Variants in ATP8B4 observed in about 807,000 individuals in gnomAD.
The protein encoded by ATP8B4 is ATPase phospholipid transporting 8B4 (putative), also known as probable phospholipid-transporting ATPase IM.
Under a neutral mutation model 145.6 loss-of-function variants are expected in ATP8B4, and 133 were observed. That is an observed-to-expected ratio of 0.91 (90% confidence interval 0.79 to 1.05). ATP8B4 has a LOEUF of 1.05. ATP8B4 is among the 50% of genes least tolerant of loss of function. ATP8B4 has a pLI of 0.00. For synonymous variants in ATP8B4, 507 were observed against 492.9 expected, an observed-to-expected ratio of 1.03 and a Z score of -0.38; for missense variants, 1,458 against 1,425.2, an observed-to-expected ratio of 1.02 and a Z score of -0.37.
chr15:50,181,025 T>C (rs568838991), intron 1 of ATP8B4, among the ~76,000 whole-genome samples: 1 of 152,266 alleles, frequency 6.6e-6, no homozygotes, highest in African/African-American at 2.4e-5. Flanking sequence ...ACAGATACCA[T>C]TTCCAAAACC....
At chr15:49,999,964 G>A (rs2047755424) in intron 8 of ATP8B4, among the ~76,000 whole-genome samples, 1 of 152,052 alleles carries the variant, frequency 6.6e-6, no homozygotes, top group Non-Finnish European at 1.5e-5. Context: ...TGACCTTTGG[G>A]ATTGGCTATT....
At chr15:49,994,559 C>A (rs2047274768) in intron 9 of ATP8B4, among the ~76,000 whole-genome samples, 1 of 151,702 alleles carries the variant, frequency 6.6e-6, no homozygotes, top group African/African-American at 2.4e-5. Context: ...TAAAGATGGA[C>A]AATAAATAAT....
chr15:50,057,481 T>G (rs1399560010), intron 3 of ATP8B4, among the ~76,000 whole-genome samples: 1 of 152,216 alleles, frequency 6.6e-6, no homozygotes, highest in Non-Finnish European at 1.5e-5. Flanking sequence ...CTGGCCCTCA[T>G]CCGACATCCT....
At chr15:50,176,124 A>G (rs1255037364) in intron 1 of ATP8B4, among the ~76,000 whole-genome samples, 1 of 151,248 alleles carries the variant, frequency 6.6e-6, no homozygotes, top group Non-Finnish European at 1.5e-5. Flanking sequence ...ACTGCACAGC[A>G]TATATATATA....
intron 20 of ATP8B4, among the ~76,000 whole-genome samples, chr15:49,908,501 A>G (rs2038870755): frequency 6.6e-6 from 1 of 151,254 alleles, no homozygotes; most frequent in Non-Finnish European, 1.5e-5. Context: ...GTGGTCCACA[A>G]TCTCACCACA....
chr15:49,975,482 C>T (rs1361710051), intron 12 of ATP8B4, among the ~76,000 whole-genome samples: 8 of 152,080 alleles, frequency 5.3e-5, no homozygotes, highest in Admixed American at 6.6e-5. Context: ...AGTTGTTATA[C>T]TGTATTGTTT....
At chr15:50,071,230 A>G (rs1203559591) in intron 3 of ATP8B4, among the ~76,000 whole-genome samples, 1 of 152,192 alleles carries the variant, frequency 6.6e-6, no homozygotes, top group African/African-American at 2.4e-5. Context: ...GCATTTTATG[A>G]CTTTTAAAAG....
At chr15:49,958,448 AAAAT>A (rs1356006726) in intron 14 of ATP8B4, among the ~76,000 whole-genome samples, 2 of 151,704 alleles carry the variant, frequency 1.3e-5, no homozygotes, top group Non-Finnish European at 3.0e-5. Flanking sequence ...ATGCAGGAAA[AAAAT>A]AAGTAAATCC....
chr15:50,013,068 C>A (rs956143130), intron 6 of ATP8B4, among the ~76,000 whole-genome samples: 1 of 152,100 alleles, frequency 6.6e-6, no homozygotes, highest in African/African-American at 2.4e-5. Context: ...TCTTGTCCTA[C>A]CTACAACCAC....
In ATP8B4 at chr15:50,047,416, T is replaced by C. The variant is rs1190474954; in HGVS notation, c.136A>G (p.Ile46Val). ...SKYNILTFLP[I>V]NLFEQFQRVA... ...CTTTGGAACTGTTCAAATAAATTAA[T>C]TGGCAAGAAGGTGAGAATATTATAT... The change falls in exon 4 of 28, where the codon ATT becomes GTT. Residue 46 changes from isoleucine (I) to valine (V), a missense_variant. Coordinates refer to ENST00000284509, the MANE Select transcript of ATP8B4 (RefSeq NM_024837.4). The C allele has an allele frequency of 7.5e-6, 12 of 1,600,680 alleles. No homozygotes were observed. The highest frequency in any genetic ancestry group is 1.0e-5 in the Non-Finnish European group (12 of 1,168,022).
At chr15:49,945,846 A>G (rs534156388) in intron 14 of ATP8B4, among the ~76,000 whole-genome samples, 6 of 152,346 alleles carry the variant, frequency 3.9e-5, no homozygotes, top group Non-Finnish European at 2.9e-5. Context: ...GCAGAAAAAT[A>G]CCTTATCATA....
intron 8 of ATP8B4, among the ~76,000 whole-genome samples, chr15:50,001,582 A>G (rs1010156651): frequency 1.3e-5 from 2 of 152,232 alleles, no homozygotes; most frequent in African/African-American, 4.8e-5. Context: ...AATTCCATCT[A>G]AAGAACACAA....
chr15:50,106,145 T>C (rs775526549), intron 2 of ATP8B4, among the ~76,000 whole-genome samples: 2 of 152,274 alleles, frequency 1.3e-5, no homozygotes, highest in Admixed American at 6.5e-5. Context: ...TAACCACCTA[T>C]CAGGGACGAT....
intron 13 of ATP8B4, among the ~76,000 whole-genome samples, chr15:49,969,232 A>G (rs2044849633): frequency 6.6e-6 from 1 of 152,196 alleles, no homozygotes; most frequent in African/African-American, 2.4e-5. Flanking sequence ...ATAAAGAGCA[A>G]ACAAATTCAA....
chr15:49,866,585 T>G lies in ATP8B4; in HGVS notation c.3028-101A>C. 6 of 1,433,844 alleles carry G rather than the reference T, an allele frequency of 4.2e-6. 1 individual carries two copies. In the South Asian group the frequency reaches 7.7e-5, roughly 18 times the overall value. The allele number at this position is 1,433,844 out of a possible 1,614,324, so 88.8% of individuals were successfully genotyped here. On this transcript the variant is annotated intron_variant, in intron 25 of 27. Transcript: ENST00000284509. ...GAGAACTGCCCTGTGGCAGGAAGTT[T>G]GCACCTGCCTAGTTGCCAAGCCAAC... is the stretch of plus-strand genomic sequence containing the variant.
intron 1 of ATP8B4, among the ~76,000 whole-genome samples, chr15:50,174,577 C>G (rs1041342835): frequency 2.7e-5 from 4 of 145,976 alleles, no homozygotes; most frequent in African/African-American, 1.0e-4. Flanking sequence ...AACTTAGGAA[C>G]ATACCTAACA....
chr15:50,173,711 A>T (rs1229663830), intron 1 of ATP8B4, among the ~76,000 whole-genome samples: 2 of 151,988 alleles, frequency 1.3e-5, no homozygotes, highest in East Asian at 1.9e-4. Flanking sequence ...TACTAAAAAA[A>T]TTTAAAAAAA....
rs1469218880 is a variant in ATP8B4, at chr15:49,934,027, C to T, written c.1443G>A (p.Glu481=). Residue 481 remains glutamate (E), a synonymous_variant, in exon 15 of 28, where the codon GAG becomes GAA. Coordinates refer to ENST00000284509, the MANE Select transcript of ATP8B4 (RefSeq NM_024837.4). The stretch of plus-strand genomic sequence containing the variant: ...TAACTTTTCACTTACCTGCGCTATT[C>T]TCTTCTGACATTACAGTGTGGCAGA... ...LALCHTVMSE[E]NSAGELIYQV... 6.2e-7 allele frequency: 1 copy of T among 1,602,890 alleles called. No homozygotes were observed. The highest frequency in any genetic ancestry group is 8.5e-7 in the Non-Finnish European group (1 of 1,175,734).
intron 1 of ATP8B4, among the ~76,000 whole-genome samples, chr15:50,172,378 G>C (rs574042719): frequency 3.3e-5 from 5 of 152,264 alleles, no homozygotes; most frequent in Non-Finnish European, 7.3e-5. Flanking sequence ...TCCTGACCGC[G>C]AGTGATCTGC....
Sources: allele counts gnomAD v4.1 joint callset (sites outside exome capture counted in the v4.1 genomes callset), GRCh38; gene constraint gnomAD v4.1.1; transcripts MANE v1.5; gene names NCBI Gene and HGNC (gene_info 2026-07-23, HGNC 2026-07-21).